The following UBA6 variants were observed in gnomAD, a reference collection of about 807,000 sequenced individuals.
The protein encoded by UBA6 is ubiquitin-like modifier-activating enzyme 6.
In UBA6, 87 loss-of-function variants were observed where a neutral mutation model predicts 148.3. That is an observed-to-expected ratio of 0.59 (90% CI 0.49 to 0.70). UBA6 has a LOEUF of 0.70. Ranked by LOEUF, UBA6 falls within the 30% of genes least tolerant of loss-of-function variation. The pLI is 0.00. For missense variants in UBA6, 1,186 were observed against 1,241.2 expected (o/e 0.96, Z 0.67); for synonymous variants, 376 against 401.0 (o/e 0.94, Z 0.75).
Position 67,674,347 on chromosome 4 carries a change from T to C in UBA6, c.466-570A>G, listed in dbSNP as rs192742704. Among the ~76,000 whole-genome samples the C allele has an allele frequency of 1.1e-3, 168 of 152,308 alleles. 1 individual carries two copies. Among genetic ancestry groups the C allele is most frequent in the South Asian group, 1.4e-3 (7 of 4,828 alleles). ...CCTTACCGCTCTTTACTTGAGGTCATTTCTCAGAATTGTATTTGCTGTGTA... is the reference window on the plus strand; with the variant it reads ...CCTTACCGCTCTTTACTTGAGGTCACTTCTCAGAATTGTATTTGCTGTGTA... On this transcript the variant is annotated intron_variant, in intron 6 of 32. Transcript: ENST00000322244.
chr4:67,639,529 AG>A (rs1729252459), intron 18 of UBA6, among the ~76,000 whole-genome samples: 1 of 152,168 alleles, frequency 6.6e-6, no homozygotes, highest in Non-Finnish European at 1.5e-5. Context: ...AAGTTCTTAG[AG>A]GTATGCGAGT....
At chr4:67,657,443 T>G (rs1288431023) in intron 13 of UBA6, among the ~76,000 whole-genome samples, 1 of 152,214 alleles carries the variant, frequency 6.6e-6, no homozygotes, top group African/African-American at 2.4e-5. Context: ...AAGGATTCCC[T>G]ATTTAATAAA....
chr4:67,642,518 C>A (rs1729331111), intron 17 of UBA6, among the ~76,000 whole-genome samples: 1 of 152,112 alleles, frequency 6.6e-6, no homozygotes, highest in East Asian at 1.9e-4. Flanking sequence ...TTACACACTG[C>A]CCACACAACC....
intron 13 of UBA6, among the ~76,000 whole-genome samples, chr4:67,661,067 T>C (rs1729838827): frequency 6.6e-6 from 1 of 152,212 alleles, no homozygotes; most frequent in Non-Finnish European, 1.5e-5. Context: ...GTACCCTCAC[T>C]GTATCTAGGA....
chr4:67,629,016 G>C (rs1269476528), intron 27 of UBA6, 55 bp downstream of exon 27: 1 of 1,232,378 alleles, frequency 8.1e-7, no homozygotes, highest in Non-Finnish European at 1.2e-6. Context: ...AATGGGACTT[G>C]GTACAAGTCC....
chr4:67,651,415 T>C (rs1729551755), intron 13 of UBA6, among the ~76,000 whole-genome samples: 2 of 152,276 alleles, frequency 1.3e-5, no homozygotes, highest in African/African-American at 2.4e-5. Context: ...TATAACCTGG[T>C]AAAACTATTA....
At chr4:67,644,871 G>T in intron 16 of UBA6, 93 bp from the exon 17 acceptor site, 2 of 574,070 alleles carry the variant, frequency 3.5e-6, no homozygotes. Flanking sequence ...TTTTACCACT[G>T]TTTCAACGAA....
intron 2 of UBA6, among the ~76,000 whole-genome samples, 171 bp downstream of exon 2, chr4:67,696,464 TACATATATAC>T (rs932963557): frequency 6.5e-5 from 9 of 139,296 alleles, no homozygotes; most frequent in African/African-American, 2.1e-4. Context: ...TATATACATA[TACATATATAC>T]ACATATATAC....
At chr4:67,677,867 C>T in intron 5 of UBA6, 145 bp from the exon 6 acceptor site, 1 of 503,232 alleles carries the variant, frequency 2.0e-6, no homozygotes, top group Non-Finnish European at 3.5e-6. Flanking sequence ...GAAACCAAAA[C>T]TTACTTGTCT....
At chr4:67,626,179 G>A (rs1330817657) in intron 28 of UBA6, among the ~76,000 whole-genome samples, 181 bp downstream of exon 28, 1 of 151,844 alleles carries the variant, frequency 6.6e-6, no homozygotes, top group African/African-American at 2.4e-5. Context: ...GCAATAGTGG[G>A]GAAGATGATG....
intron 27 of UBA6, among the ~76,000 whole-genome samples, chr4:67,627,054 T>A (rs1040565644): frequency 6.6e-6 from 1 of 151,956 alleles, no homozygotes; most frequent in African/African-American, 2.4e-5. Context: ...CCTTCTTTCA[T>A]ATAGAAAGTT....
intron 6 of UBA6, among the ~76,000 whole-genome samples, chr4:67,677,126 T>C (rs1730300513): frequency 1.3e-5 from 2 of 152,174 alleles, no homozygotes; most frequent in Admixed American, 1.3e-4. Context: ...GCCGACAGGA[T>C]GTTAATGGAC....
rs1174472635 is a variant in UBA6, at chr4:67,678,540, A to G, written c.259-7T>C. 26 of 1,561,332 alleles carry G rather than the reference A, an allele frequency of 1.7e-5. No individual in the cohort carries two copies. The highest frequency in any genetic ancestry group is 2.3e-5 in the Non-Finnish European group (26 of 1,142,750). On this transcript the variant is annotated splice_polypyrimidine_tract_variant and splice_region_variant and intron_variant, in intron 4 of 32. Transcript: ENST00000322244. ...TATCATGAATTGTAACTGCCTTCAA[A>G]AAAGAAAAAAGTATTGGTTGAAGTC...
At chr4:67,694,655 C>T (rs936019151) in intron 2 of UBA6, among the ~76,000 whole-genome samples, 12 of 152,158 alleles carry the variant, frequency 7.9e-5, no homozygotes, top group African/African-American at 2.9e-4. Context: ...CCTCGGCCTC[C>T]CAAAGTGCTG....
rs779015324 is a variant in UBA6, at chr4:67,662,232, A to G, written c.1061T>C (p.Leu354Pro). Residue 354 changes from leucine to proline, a missense_variant, in exon 13 of 33, where the codon CTG (leucine) becomes CCG (proline). Transcript: ENST00000322244. ...NVGCQQDSEE[L>P]LKLATSISET... ...ACTTATAGATGTTGCTAGTTTCAAC[A>G]GTTCTTCTGAATCTTGTTGGCATCT... The G allele has an allele frequency of 1.9e-6, 3 of 1,613,606 alleles. No individual in the cohort carries two copies. Among genetic ancestry groups the G allele is most frequent in the Admixed American group, 1.7e-5 (1 of 59,998 alleles).
chr4:67,651,026 AG>A (rs1307121338), intron 13 of UBA6, among the ~76,000 whole-genome samples: 1 of 152,174 alleles, frequency 6.6e-6, no homozygotes, highest in Non-Finnish European at 1.5e-5. Context: ...CTACAAAAGT[AG>A]GAATCTAAAA....
chr4:67,681,722 G>T, intron 3 of UBA6, 131 bp from the exon 4 acceptor site: 1 of 628,016 alleles, frequency 1.6e-6, no homozygotes, highest in African/African-American at 1.9e-5. Context: ...CAAGTTCCTT[G>T]TCTTAAAAAA....
chr4:67,628,717 C>T (rs913519029), intron 27 of UBA6, among the ~76,000 whole-genome samples: 2 of 151,868 alleles, frequency 1.3e-5, no homozygotes, highest in African/African-American at 4.8e-5. Context: ...TATCTTCTCA[C>T]AAAGGCATGT....
At chr4:67,648,940 C>T in intron 14 of UBA6, 128 bp downstream of exon 14, 1 of 934,070 alleles carries the variant, frequency 1.1e-6, no homozygotes, top group Non-Finnish European at 1.6e-6. Flanking sequence ...AGGCATACTG[C>T]TTGCATCTCT....
Sources: allele counts gnomAD v4.1 joint callset (sites outside exome capture counted in the v4.1 genomes callset), GRCh38; gene constraint gnomAD v4.1.1; transcripts MANE v1.5; gene names NCBI Gene and HGNC (gene_info 2026-07-23, HGNC 2026-07-21).